Variants in NOL10 observed in about 807,000 individuals in gnomAD.
NOL10 encodes the protein nucleolar protein 10.
A neutral mutation model predicts 103.5 loss-of-function variants in NOL10; 58 were observed. The ratio of observed to expected loss-of-function variants is 0.56; its 90% CI spans 0.45 to 0.70. The LOEUF (loss-of-function observed/expected upper bound fraction) is 0.70. NOL10 is among the 30% of genes least tolerant of loss of function. The pLI is 0.00. For synonymous variants in NOL10, 287 were observed against 282.5 expected, an observed-to-expected ratio of 1.02 and a Z score of -0.16; for missense variants, 763 against 807.3, an observed-to-expected ratio of 0.95 and a Z score of 0.67.
rs145780076 is a variant in NOL10, at chr2:10,584,030, A to T, written c.1844+5013T>A. Among the ~76,000 whole-genome samples, 902 of 152,202 alleles carry T rather than the reference A, an allele frequency of 5.9e-3. 20 individuals carry two copies. Among genetic ancestry groups the T allele is most frequent in the African/African-American group, 0.02 (844 of 41,536 alleles). ...TGCTTGCTCGGCTACCCCTTCAGGC[A>T]CCCCATGCTCTGGCTGTAGGAAGGC... On this transcript the variant is annotated intron_variant, in intron 19 of 20. Coordinates refer to ENST00000381685, the MANE Select transcript of NOL10 (RefSeq NM_024894.4).
intron 13 of NOL10, among the ~76,000 whole-genome samples, chr2:10,611,975 T>G (rs1205837756): frequency 2.0e-5 from 3 of 151,866 alleles, no homozygotes; most frequent in African/African-American, 7.3e-5. Flanking sequence ...TAAAATTAGC[T>G]GGGCATGATG....
chr2:10,678,667 A>T (rs977171276), intron 3 of NOL10, among the ~76,000 whole-genome samples: 2 of 152,180 alleles, frequency 1.3e-5, no homozygotes, highest in African/African-American at 4.8e-5. Flanking sequence ...TTCAGGGCCA[A>T]TCTTACTCAA....
Position 10,589,723 on chromosome 2 carries a change from C to A in NOL10, c.1451G>T (p.Arg484Leu). 1.3e-6 allele frequency: 2 copies of A among 1,555,678 alleles called. No homozygotes were observed. The highest frequency in any genetic ancestry group is 1.7e-6 in the Non-Finnish European group (2 of 1,154,360). ...KSLPNILTDDRFKVMFENPDF... is the reference protein window; with the variant it reads ...KSLPNILTDDLFKVMFENPDF... ...AGGGTTCTCAAACATAACTTTAAAT[C>A]GATCATCGGTGAGAATATTAGGAAG... Residue 484 changes from arginine (R) to leucine (L), a missense_variant, in exon 18 of 21, where the codon CGA becomes CTA. Arg to Leu is a moderately radical substitution (Grantham distance 102). Transcript: ENST00000381685.
intron 13 of NOL10, among the ~76,000 whole-genome samples, chr2:10,619,893 G>C (rs1307787776): frequency 6.6e-6 from 1 of 152,112 alleles, no homozygotes; most frequent in East Asian, 1.9e-4. Context: ...TCCAGACTTT[G>C]CAATAACAAT....
At chr2:10,649,406 C>G (rs1267650023) in intron 12 of NOL10, among the ~76,000 whole-genome samples, 2 of 146,884 alleles carry the variant, frequency 1.4e-5, no homozygotes, top group Admixed American at 1.4e-4. Flanking sequence ...CTGCAACCTC[C>G]GCCTCCTGGT....
intron 13 of NOL10, among the ~76,000 whole-genome samples, chr2:10,626,085 TAGG>T (rs904011065): frequency 2.6e-5 from 4 of 151,396 alleles, no homozygotes; most frequent in Middle Eastern, 3.2e-3. Flanking sequence ...GGGGCTGAGG[TAGG>T]AGGATTACTT....
chr2:10,595,657 T>C (rs1401194960), intron 17 of NOL10, among the ~76,000 whole-genome samples: 1 of 151,410 alleles, frequency 6.6e-6, no homozygotes, highest in Non-Finnish European at 1.5e-5. Flanking sequence ...CAGGCTAGAG[T>C]GCAATGGCGT....
intron 3 of NOL10, among the ~76,000 whole-genome samples, chr2:10,679,225 G>A (rs1681548572): frequency 6.6e-6 from 1 of 151,970 alleles, no homozygotes; most frequent in Non-Finnish European, 1.5e-5. Context: ...CGGGCGTGGT[G>A]GTGCATGCCT....
intron 1 of NOL10, among the ~76,000 whole-genome samples, chr2:10,685,488 T>TGGGGG (rs755983267): frequency 1.2e-4 from 1 of 8,378 alleles, no homozygotes; most frequent in Non-Finnish European, 2.7e-4. Flanking sequence ...AGAGACTCCG[T>TGGGGG]CCCCCCCCCC....
At chr2:10,647,432 C>T (rs1366504609) in intron 12 of NOL10, among the ~76,000 whole-genome samples, 1 of 152,258 alleles carries the variant, frequency 6.6e-6, no homozygotes, top group Non-Finnish European at 1.5e-5. Flanking sequence ...CAATTCAACA[C>T]TGCAGTGACA....
intron 11 of NOL10, 101 bp from the exon 12 acceptor site, chr2:10,654,648 G>C (rs145656130): frequency 1.8e-6 from 1 of 564,490 alleles, no homozygotes; most frequent in Non-Finnish European, 3.1e-6. Context: ...CCTATGTAAA[G>C]AAATAAAATA....
intron 20 of NOL10, among the ~76,000 whole-genome samples, chr2:10,575,354 G>A (rs567839678): frequency 1.6e-4 from 24 of 152,278 alleles, no homozygotes; most frequent in African/African-American, 5.5e-4. Context: ...TATCTAACCT[G>A]CAGTATAAAA....
At chr2:10,648,013 C>A (rs538143046) in intron 12 of NOL10, among the ~76,000 whole-genome samples, 4 of 152,292 alleles carry the variant, frequency 2.6e-5, no homozygotes, top group African/African-American at 7.2e-5. Context: ...GTAAGCTTTA[C>A]AAGCTCCCCG....
At chr2:10,609,601 A>G (rs1676449404) in intron 13 of NOL10, among the ~76,000 whole-genome samples, 1 of 151,922 alleles carries the variant, frequency 6.6e-6, no homozygotes, top group African/African-American at 2.4e-5. Flanking sequence ...CTCTGACTCA[A>G]AAAAAAAGAA....
At chr2:10,658,979 C>T (rs73167892) in intron 10 of NOL10, among the ~76,000 whole-genome samples, 193 bp downstream of exon 10, 7,492 of 152,190 alleles carry the variant, frequency 0.049, 425 homozygotes, top group African/African-American at 0.13. Flanking sequence ...TCTAAGTCCA[C>T]AGCACTGCAG....
intron 17 of NOL10, among the ~76,000 whole-genome samples, chr2:10,595,612 GTTTGTTTT>G (rs1675647801): frequency 9.6e-6 from 1 of 104,518 alleles, no homozygotes; most frequent in Non-Finnish European, 2.3e-5. Context: ...TTGTTTGTTT[GTTTGTTTT>G]TTGAGATGGA....
At chr2:10,582,758 T>G (rs1418295898) in intron 19 of NOL10, among the ~76,000 whole-genome samples, 2 of 152,222 alleles carry the variant, frequency 1.3e-5, no homozygotes, top group Non-Finnish European at 2.9e-5. Context: ...TGCCACTTTA[T>G]CAACTGACTC....
At chr2:10,632,202 G>T (rs1355188848) in intron 13 of NOL10, among the ~76,000 whole-genome samples, 1 of 152,120 alleles carries the variant, frequency 6.6e-6, no homozygotes, top group African/African-American at 2.4e-5. Flanking sequence ...ACTGCTTTAG[G>T]TGCTGAGGAT....
At chr2:10,687,968 C>T (rs1457547725) in intron 1 of NOL10, among the ~76,000 whole-genome samples, 4 of 152,312 alleles carry the variant, frequency 2.6e-5, no homozygotes, top group Admixed American at 2.0e-4. Flanking sequence ...CTCCTCTCCA[C>T]CTTTCAATGT....
Sources: allele counts gnomAD v4.1 joint callset (sites outside exome capture counted in the v4.1 genomes callset), GRCh38; gene constraint gnomAD v4.1.1; transcripts MANE v1.5; gene names NCBI Gene and HGNC (gene_info 2026-07-23, HGNC 2026-07-21).